CNKSR3: variants seen among roughly 807,000 people sequenced by gnomAD.
CNKSR3 encodes CNKSR family member 3, also known as connector enhancer of kinase suppressor of ras 3.
In CNKSR3, 36 loss-of-function variants were observed where a neutral mutation model predicts 67.7. The ratio of observed to expected loss-of-function variants is 0.53; its 90% confidence interval spans 0.41 to 0.70. The LOEUF (loss-of-function observed/expected upper bound fraction) is 0.70. Among genes scored for constraint, CNKSR3 ranks in the 30% least tolerant of loss-of-function variants. The pLI is 0.00. For synonymous variants in CNKSR3, 281 were observed against 271.4 expected, an observed-to-expected ratio of 1.04 and a Z score of -0.35; for missense variants, 630 against 695.2, an observed-to-expected ratio of 0.91 and a Z score of 1.05.
rs1197270852 is a variant in CNKSR3, at chr6:154,394,580, G to T, written c.*11774C>A. 6.8e-6 allele frequency: 1 copy of T among 147,196 alleles called. No individual in the cohort carries two copies. Among genetic ancestry groups the T allele is most frequent in the Non-Finnish European group, 1.5e-5 (1 of 67,434 alleles). The allele number at this position is 147,196 out of a possible 1,614,324, so 9.1% of individuals were successfully genotyped here. ...TGTGTAAAGTCACTGAGATTTGGGG[G>T]TTGTTTGTTATAGCATGAGCCTAAT... On this transcript the variant is annotated 3_prime_UTR_variant, in exon 13 of 13. Transcript: ENST00000607772.
At chr6:154,413,883 G>C (rs965507225) in intron 10 of CNKSR3, among the ~76,000 whole-genome samples, 3 of 152,034 alleles carry the variant, frequency 2.0e-5, no homozygotes, top group Non-Finnish European at 4.4e-5. Context: ...GAGTAGCTGG[G>C]ACTACAGGCA....
intron 10 of CNKSR3, 112 bp from the exon 11 acceptor site, chr6:154,411,254 T>TTCC: frequency 1.3e-6 from 1 of 754,028 alleles, no homozygotes; most frequent in African/African-American, 1.8e-5. Flanking sequence ...AATTCTCCTT[T>TTCC]TCCACTGGAG....
At chr6:154,444,385 G>A (rs1785663618) in intron 2 of CNKSR3, among the ~76,000 whole-genome samples, 1 of 152,124 alleles carries the variant, frequency 6.6e-6, no homozygotes, top group East Asian at 1.9e-4. Context: ...CTGAGCTTTT[G>A]ACCAAGGCAA....
chr6:154,467,722 G>A (rs1328100381), intron 1 of CNKSR3, among the ~76,000 whole-genome samples: 1 of 149,880 alleles, frequency 6.7e-6, no homozygotes, highest in African/African-American at 2.5e-5. Flanking sequence ...TGTAAAGTAT[G>A]TGGTTAGACC....
rs1785545102 is a variant in CNKSR3 at position 154,439,821 on chromosome 6, G to A, written c.507+1471C>T. On this transcript the variant is annotated intron_variant, in intron 4 of 12. Coordinates refer to ENST00000607772, the MANE Select transcript of CNKSR3 (RefSeq NM_173515.4). Reference sequence around the variant, plus strand: ...GTGGAAGGATTGCTTGAGCAAGGAGGTCGAGGCTGCAGTGAGCCACGATTA... The same window carrying A: ...GTGGAAGGATTGCTTGAGCAAGGAGATCGAGGCTGCAGTGAGCCACGATTA... Among the ~76,000 whole-genome samples, 3 of 152,150 alleles carry A rather than the reference G, an allele frequency of 2.0e-5. No homozygotes were observed. The South Asian group carries it at 6.2e-4, about 32-fold the overall frequency.
intron 2 of CNKSR3, among the ~76,000 whole-genome samples, chr6:154,444,982 A>T (rs2128718261): frequency 6.6e-6 from 1 of 152,240 alleles, no homozygotes; most frequent in East Asian, 1.9e-4. Context: ...CAAGATACAT[A>T]AAGCATAAAT....
chr6:154,482,851 A>T (rs1299857531), intron 1 of CNKSR3, among the ~76,000 whole-genome samples: 1 of 152,216 alleles, frequency 6.6e-6, no homozygotes, highest in Non-Finnish European at 1.5e-5. Context: ...GGGAAGGGTG[A>T]ATATATGAAA....
At chr6:154,413,602 C>T (rs1784952632) in intron 10 of CNKSR3, among the ~76,000 whole-genome samples, 1 of 152,034 alleles carries the variant, frequency 6.6e-6, no homozygotes, top group Non-Finnish European at 1.5e-5. Context: ...TCTCATTAAT[C>T]TCACAGAAAT....
In CNKSR3 at chr6:154,426,870, T is replaced by A. The variant is rs905267801; in HGVS notation, c.729+1258A>T. Among the ~76,000 whole-genome samples, 15 of 152,326 alleles carry A rather than the reference T, an allele frequency of 9.8e-5. 2 individuals are homozygous for A. Among genetic ancestry groups the A allele is most frequent in the Admixed American group, 1.3e-4 (2 of 15,302 alleles). On this transcript the variant is annotated intron_variant, in intron 7 of 12. Coordinates refer to ENST00000607772, the MANE Select transcript of CNKSR3 (RefSeq NM_173515.4). ...AAAAACTGAAAAGACATTCACCATGTTTCTCTTCCATACAAACAGATATGA... is the reference window on the plus strand; with the variant it reads ...AAAAACTGAAAAGACATTCACCATGATTCTCTTCCATACAAACAGATATGA...
In CNKSR3 at chr6:154,510,285, C is replaced by T; in HGVS notation, c.-171G>A. Reference sequence around the variant, plus strand: ...GCCAGTCGTCCCAGCGCGGCTCCGCCAGGGGAGCCCGGCCCTCTCCCTCCA... The same window carrying T: ...GCCAGTCGTCCCAGCGCGGCTCCGCTAGGGGAGCCCGGCCCTCTCCCTCCA... On this transcript the variant is annotated 5_prime_UTR_variant, in exon 1 of 13. Transcript: ENST00000607772. The T allele has an allele frequency of 1.5e-6, 1 of 652,060 alleles. No individual in the cohort carries two copies. The highest frequency in any genetic ancestry group is 2.6e-6 in the Non-Finnish European group (1 of 380,890). 40.4% of individuals were successfully genotyped at this position (652,060 alleles called of 1,614,324 possible).
chr6:154,415,559 C>T (rs1056122303), intron 9 of CNKSR3, among the ~76,000 whole-genome samples: 2 of 152,116 alleles, frequency 1.3e-5, no homozygotes, highest in African/African-American at 2.4e-5. Context: ...TTGAGCAAGT[C>T]ACACAATGTC....
At chr6:154,463,733 C>T (rs1161113119) in intron 1 of CNKSR3, among the ~76,000 whole-genome samples, 1 of 152,098 alleles carries the variant, frequency 6.6e-6, no homozygotes, top group African/African-American at 2.4e-5. Context: ...TTTTGCTGTG[C>T]TGAGGGAAGA....
intron 1 of CNKSR3, among the ~76,000 whole-genome samples, chr6:154,499,530 GC>G (rs963347869): frequency 3.9e-5 from 6 of 152,188 alleles, no homozygotes; most frequent in African/African-American, 1.4e-4. Context: ...ATGTTGAGAC[GC>G]CCCGCATGTA....
chr6:154,474,047 T>C (rs948162087), intron 1 of CNKSR3, among the ~76,000 whole-genome samples: 3 of 149,608 alleles, frequency 2.0e-5, no homozygotes, highest in African/African-American at 7.4e-5. Context: ...CCTCCCAAAG[T>C]GCTGGGATTA....
chr6:154,427,953 G>A (rs9397717), intron 7 of CNKSR3, among the ~76,000 whole-genome samples, 175 bp downstream of exon 7: 77,795 of 151,936 alleles, frequency 0.51, 20,324 homozygotes, highest in Non-Finnish European at 0.55. Flanking sequence ...TTAAATAATA[G>A]ATTGACAACA....
intron 1 of CNKSR3, among the ~76,000 whole-genome samples, chr6:154,492,292 T>A (rs1786796503): frequency 6.6e-6 from 1 of 152,160 alleles, no homozygotes; most frequent in South Asian, 2.1e-4. Context: ...TGCGATGCCC[T>A]AGATTCCTTT....
At chr6:154,418,660 T>C (rs969760065) in intron 9 of CNKSR3, among the ~76,000 whole-genome samples, 2 of 152,166 alleles carry the variant, frequency 1.3e-5, no homozygotes, top group Non-Finnish European at 2.9e-5. Flanking sequence ...CATCATATTC[T>C]GAGAAATCCA....
intron 2 of CNKSR3, among the ~76,000 whole-genome samples, chr6:154,442,666 C>CT: frequency 6.6e-6 from 1 of 152,092 alleles, no homozygotes; most frequent in East Asian, 1.9e-4. Flanking sequence ...TTCAAACTCT[C>CT]TGATAACTCA....
intron 1 of CNKSR3, among the ~76,000 whole-genome samples, chr6:154,480,971 C>T (rs1235532996): frequency 6.6e-6 from 1 of 151,326 alleles, no homozygotes; most frequent in Non-Finnish European, 1.5e-5. Context: ...ATTTATTTGG[C>T]TTATTTATTT....
Sources: gnomAD v4.1 joint callset for allele counts (sites outside exome capture counted in the v4.1 genomes callset) on GRCh38, gnomAD v4.1.1 for gene constraint, MANE v1.5 for transcripts, NCBI Gene and HGNC (gene_info 2026-07-23, HGNC 2026-07-21) for gene names.